The following R3HCC1L variants were observed in gnomAD, a reference collection of about 807,000 sequenced individuals.
The protein encoded by R3HCC1L is R3H domain and coiled-coil containing 1 like.
R3HCC1L carries 51 observed loss-of-function variants against 59.9 expected under a neutral mutation model. The observed-to-expected ratio is 0.85, with a 90% CI of 0.68 to 1.07. R3HCC1L has a LOEUF of 1.07. Among genes scored for constraint, R3HCC1L ranks in the 50% least tolerant of loss-of-function variants. R3HCC1L has a pLI of 0.00. For synonymous variants in R3HCC1L, 322 were observed against 315.2 expected, an observed-to-expected ratio of 1.02 and a Z score of -0.23; for missense variants, 965 against 933.0, an observed-to-expected ratio of 1.03 and a Z score of -0.45.
At chr10:98,212,585 A>G (rs1243142807) in intron 5 of R3HCC1L, among the ~76,000 whole-genome samples, 1 of 152,214 alleles carries the variant, frequency 6.6e-6, no homozygotes, top group African/African-American at 2.4e-5. Flanking sequence ...ACGGTATGGA[A>G]TGCCCAGAAA....
intron 4 of R3HCC1L, among the ~76,000 whole-genome samples, chr10:98,187,648 A>G (rs970781333): frequency 1.3e-5 from 2 of 151,784 alleles, no homozygotes; most frequent in African/African-American, 4.8e-5. Context: ...ATAGATATGT[A>G]TCATATATAC....
intron 1 of R3HCC1L, among the ~76,000 whole-genome samples, chr10:98,145,638 G>T (rs1303749363): frequency 7.9e-5 from 12 of 152,260 alleles, no homozygotes; most frequent in African/African-American, 2.9e-4. Context: ...ACTGCTTTTA[G>T]AACCTGTAGA....
At chr10:98,236,281 C>A in intron 9 of R3HCC1L, 117 bp downstream of exon 9, 1 of 1,321,836 alleles carries the variant, frequency 7.6e-7, no homozygotes, top group Non-Finnish European at 1.0e-6. Context: ...TCCTAGAAGC[C>A]TCCTAAGTGT....
chr10:98,196,892 C>T (rs1851490395), intron 4 of R3HCC1L, among the ~76,000 whole-genome samples: 1 of 152,120 alleles, frequency 6.6e-6, no homozygotes, highest in Admixed American at 6.5e-5. Context: ...AATTCTGGCC[C>T]TTAGCTGTCT....
At chr10:98,222,386 A>G (rs1322673295) in intron 5 of R3HCC1L, among the ~76,000 whole-genome samples, 3 of 151,658 alleles carry the variant, frequency 2.0e-5, no homozygotes, top group East Asian at 1.9e-4. Flanking sequence ...TCTCCTGCCT[A>G]ATTGCCCTGG....
intron 5 of R3HCC1L, among the ~76,000 whole-genome samples, chr10:98,224,398 T>A (rs1855423535): frequency 6.6e-6 from 1 of 152,186 alleles, no homozygotes. Flanking sequence ...GCCTTGTTGA[T>A]CTTGTGCTCT....
intron 1 of R3HCC1L, among the ~76,000 whole-genome samples, chr10:98,141,099 G>C (rs1845093997): frequency 6.6e-6 from 1 of 151,762 alleles, no homozygotes; most frequent in South Asian, 2.1e-4. Context: ...CTGTTTATAA[G>C]TCCAAAATGA....
chr10:98,206,012 A>G (rs1852598520), intron 4 of R3HCC1L, among the ~76,000 whole-genome samples: 2 of 152,202 alleles, frequency 1.3e-5, no homozygotes, highest in African/African-American at 4.8e-5. Flanking sequence ...TGGTTCTGGT[A>G]CTGACTTCTG....
At chr10:98,147,017 T>G (rs755805133) in intron 1 of R3HCC1L, among the ~76,000 whole-genome samples, 1 of 152,150 alleles carries the variant, frequency 6.6e-6, no homozygotes, top group Non-Finnish European at 1.5e-5. Context: ...TAATTTACAT[T>G]CCCTCCAACA....
intron 4 of R3HCC1L, among the ~76,000 whole-genome samples, chr10:98,170,426 C>T (rs73323876): frequency 0.021 from 3,229 of 152,214 alleles, 122 homozygotes; most frequent in African/African-American, 0.074. Context: ...AGCAGTCTCC[C>T]TCCCTCTCAG....
At chr10:98,218,781 C>A (rs1049332361) in intron 5 of R3HCC1L, among the ~76,000 whole-genome samples, 1 of 152,064 alleles carries the variant, frequency 6.6e-6, no homozygotes, top group African/African-American at 2.4e-5. Context: ...TGTTGAAGCC[C>A]CCAGCTATTA....
At chr10:98,176,742 A>T (rs1033289163) in intron 4 of R3HCC1L, among the ~76,000 whole-genome samples, 5 of 152,134 alleles carry the variant, frequency 3.3e-5, no homozygotes, top group African/African-American at 1.2e-4. Context: ...TTTAATGTCA[A>T]ATAGAAGTGA....
chr10:98,216,477 C>T (rs896714765), intron 5 of R3HCC1L, among the ~76,000 whole-genome samples: 2 of 152,184 alleles, frequency 1.3e-5, no homozygotes, highest in Non-Finnish European at 2.9e-5. Context: ...CATATCCCTG[C>T]ACTTCAGCCT....
intron 1 of R3HCC1L, among the ~76,000 whole-genome samples, chr10:98,140,123 G>A (rs1057367205): frequency 1.3e-5 from 2 of 152,012 alleles, no homozygotes; most frequent in Non-Finnish European, 2.9e-5. Flanking sequence ...AATGCCTGTA[G>A]TGTTCATATT....
chr10:98,238,354 A>G (rs1476528426), intron 9 of R3HCC1L, among the ~76,000 whole-genome samples: 2 of 152,222 alleles, frequency 1.3e-5, no homozygotes, highest in Non-Finnish European at 2.9e-5. Flanking sequence ...CTTAAGCCTT[A>G]CAGTCTAGTG....
chr10:98,143,822 C>T (rs1406944412), intron 1 of R3HCC1L, among the ~76,000 whole-genome samples: 1 of 152,052 alleles, frequency 6.6e-6, no homozygotes, highest in Non-Finnish European at 1.5e-5. Flanking sequence ...TGTAATTAAA[C>T]ATATTAATAG....
chr10:98,167,969 G>A (rs1470804247), intron 4 of R3HCC1L, among the ~76,000 whole-genome samples: 1 of 152,168 alleles, frequency 6.6e-6, no homozygotes, highest in Non-Finnish European at 1.5e-5. Flanking sequence ...CAAGGTTGAG[G>A]TAAAGCCCCC....
At chr10:98,193,386 T>TA (rs962854445) in intron 4 of R3HCC1L, among the ~76,000 whole-genome samples, 2 of 151,382 alleles carry the variant, frequency 1.3e-5, no homozygotes, top group African/African-American at 2.4e-5. Context: ...AAATAAAAAA[T>TA]AAAAAAAACT....
intron 7 of R3HCC1L, 109 bp downstream of exon 7, chr10:98,234,625 A>G: frequency 8.8e-7 from 1 of 1,134,662 alleles, no homozygotes. Flanking sequence ...CAGCCAGTGT[A>G]GGTAATAGGG....
Sources: gnomAD v4.1 joint callset for allele counts (sites outside exome capture counted in the v4.1 genomes callset) on GRCh38, gnomAD v4.1.1 for gene constraint, MANE v1.5 for transcripts, NCBI Gene and HGNC (gene_info 2026-07-23, HGNC 2026-07-21) for gene names.